MPP1: variants seen among roughly 807,000 people sequenced by gnomAD.
MPP1 encodes MAGUK p55 scaffold protein 1, also known as 55 kDa erythrocyte membrane protein.
MPP1 carries 6 observed loss-of-function variants against 38.2 expected under a neutral mutation model. The ratio of observed to expected loss-of-function variants is 0.16; its 90% CI spans 0.09 to 0.31. MPP1 has a LOEUF of 0.31. MPP1 is among the 10% of genes least tolerant of loss of function. The pLI is 1.00. For missense variants in MPP1, 293 were observed against 368.9 expected (o/e 0.79, Z 1.69); for synonymous variants, 153 against 146.3 (o/e 1.05, Z -0.33).
In MPP1 at chrX:154,792,180, G is replaced by A; in HGVS notation, c.208C>T (p.Arg70Ter). The change falls in exon 2 of 12, where the codon CGA (arginine) becomes TGA (stop). Residue 70 changes from arginine to a stop codon, truncating the protein, a stop_gained. Transcript: ENST00000369534. LOFTEE classifies it high-confidence loss of function. ...QVKGQEVRKV[R>*]LIQFEKVTEE... ...GTGACCTTCTCAAACTGTATGAGTC[G>A]CACTTTCCGCACCTCCTGTCCCTTG... The A allele has an allele frequency of 1.7e-6, 2 of 1,211,484 alleles. No homozygotes were observed. The highest frequency in any genetic ancestry group is 3.0e-5 in the East Asian group (1 of 33,829).
chrX:154,798,058 AAAC>A (rs1300219588), intron 1 of MPP1, among the ~76,000 whole-genome samples: 2 of 112,735 alleles, frequency 1.8e-5, no homozygotes, highest in East Asian at 5.5e-4. Flanking sequence ...ATGCAAATTA[AAAC>A]AACAATGATA....
intron 1 of MPP1, among the ~76,000 whole-genome samples, chrX:154,799,011 GGT>G (rs1569558989): frequency 3.6e-5 from 4 of 111,965 alleles, no homozygotes. Flanking sequence ...TGGGATTACA[GGT>G]GTGAGCCACC....
intron 6 of MPP1, 120 bp downstream of exon 6, chrX:154,786,084 G>C: frequency 1.4e-6 from 1 of 698,649 alleles, no homozygotes; most frequent in Non-Finnish European, 2.1e-6. Flanking sequence ...CATTATGCCA[G>C]GAAATCTAGG....
At chrX:154,786,724 C>T (rs1159237115) in intron 5 of MPP1, among the ~76,000 whole-genome samples, 1 of 108,543 alleles carries the variant, frequency 9.2e-6, no homozygotes, top group Non-Finnish European at 1.9e-5. Context: ...GGTGAAACTC[C>T]GTCTCTACTA....
At chrX:154,791,235 G>A (rs2072139055) in intron 3 of MPP1, 167 bp from the exon 4 acceptor site, 7 of 461,695 alleles carry the variant, frequency 1.5e-5, no homozygotes, top group Non-Finnish European at 2.6e-5. Flanking sequence ...GTTTAAGATG[G>A]TCTCATCCTC....
intron 1 of MPP1, among the ~76,000 whole-genome samples, chrX:154,801,781 A>AAC (rs2072267755): frequency 1.2e-5 from 1 of 86,956 alleles, no homozygotes; most frequent in African/African-American, 5.2e-5. Flanking sequence ...AAAAAAAAAA[A>AAC]AAAAACAAAA....
intron 7 of MPP1, among the ~76,000 whole-genome samples, chrX:154,784,349 C>T (rs1557266968): frequency 9.0e-6 from 1 of 111,182 alleles, no homozygotes; most frequent in East Asian, 2.8e-4. Context: ...TGCCCTATCT[C>T]TCTGAGCCAA....
intron 1 of MPP1, among the ~76,000 whole-genome samples, chrX:154,804,013 C>G (rs1557268906): frequency 8.9e-6 from 1 of 112,106 alleles, no homozygotes; most frequent in African/African-American, 3.2e-5. Context: ...TATTTCTGCA[C>G]TCATTTAAAC....
At chrX:154,796,383 G>A (rs1407324840) in intron 1 of MPP1, among the ~76,000 whole-genome samples, 4 of 111,117 alleles carry the variant, frequency 3.6e-5, no homozygotes, top group East Asian at 2.8e-4. Context: ...CACCTGCCTC[G>A]GCCTCCCAAA....
intron 1 of MPP1, among the ~76,000 whole-genome samples, chrX:154,800,385 C>A (rs180850722): frequency 8.9e-6 from 1 of 112,084 alleles, no homozygotes; most frequent in African/African-American, 3.2e-5. Flanking sequence ...CTAAATCCAT[C>A]TGGGAACACA....
intron 1 of MPP1, among the ~76,000 whole-genome samples, chrX:154,803,173 T>C (rs1165683741): frequency 1.8e-5 from 2 of 112,383 alleles, no homozygotes; most frequent in African/African-American, 6.5e-5. Context: ...AAGGCAGAGC[T>C]TGCTGCTGCA....
At chrX:154,782,680 A>G (rs2072023386) in intron 9 of MPP1, 1 of 112,985 alleles carries the variant, frequency 8.9e-6, no homozygotes, top group South Asian at 3.6e-4. Flanking sequence ...TATTATCAGT[A>G]GGTTCTTAGA....
At chrX:154,798,892 G>A (rs1340716940) in intron 1 of MPP1, among the ~76,000 whole-genome samples, 1 of 110,268 alleles carries the variant, frequency 9.1e-6, no homozygotes, top group Admixed American at 9.6e-5. Context: ...GCACCACCAC[G>A]CCCGGCTAAT....
chrX:154,799,823 G>A (rs782472300), intron 1 of MPP1: 13 of 1,163,487 alleles, frequency 1.1e-5, no homozygotes, highest in African/African-American at 5.4e-5. Flanking sequence ...AATGCCTGCC[G>A]CTCTGAAAGC....
At position 154,783,375 on chromosome X, in the gene MPP1, C is replaced by T. The variant is rs1293285331; in HGVS notation, c.946+52G>A. 27 of 786,681 alleles carry T rather than the reference C, an allele frequency of 3.4e-5. No homozygotes were observed. In the Admixed American group the frequency reaches 4.9e-4, roughly 14 times the overall value. 64.8% of individuals were successfully genotyped at this position (786,681 alleles called of 1,213,427 possible). On this transcript the variant is annotated intron_variant, in intron 9 of 11. Transcript: ENST00000369534. ...AATAACACTATGGTATTTCAGATGG[C>T]GAGTGGTACCAGCCTGTCACCTCCC...
chrX:154,803,214 G>C (rs2072285109), intron 1 of MPP1, among the ~76,000 whole-genome samples: 1 of 112,686 alleles, frequency 8.9e-6, no homozygotes, highest in African/African-American at 3.2e-5. Context: ...CAAAGGGAAG[G>C]TGAACCTAAA....
chrX:154,792,532 C>A, intron 1 of MPP1: 1 of 309,114 alleles, frequency 3.2e-6, no homozygotes, highest in African/African-American at 2.6e-5. Flanking sequence ...GAGTGAGACC[C>A]TGTCTCTAAA....
Position 154,805,414 on chromosome X carries a change from G to C in MPP1, c.-41C>G, listed in dbSNP as rs1209366502. ...ACACTGGAACGCAAGACAGGGCAGC[G>C]CTGGGAATGACAGGGCCCGGGGCCT... is the stretch of plus-strand genomic sequence containing the variant. On this transcript the variant is annotated 5_prime_UTR_variant, in exon 1 of 12. Transcript: ENST00000369534. 8.8e-7 allele frequency: 1 copy of C among 1,135,648 alleles called. No homozygotes were observed. The highest frequency in any genetic ancestry group is 1.2e-6 in the Non-Finnish European group (1 of 842,223). The allele number at this position is 1,135,648 out of a possible 1,213,427, so 93.6% of individuals were successfully genotyped here.
intron 1 of MPP1, chrX:154,804,859 T>C (rs2072303058): frequency 2.9e-6 from 1 of 346,812 alleles, no homozygotes. Flanking sequence ...GTGAGCTCTT[T>C]AGAACCAGAA....
Sources: allele counts gnomAD v4.1 joint callset (sites outside exome capture counted in the v4.1 genomes callset), GRCh38; gene constraint gnomAD v4.1.1; transcripts MANE v1.5; gene names NCBI Gene and HGNC (gene_info 2026-07-23, HGNC 2026-07-21).